Variants in MTUS2 observed in about 807,000 individuals in gnomAD.
MTUS2 encodes the protein microtubule-associated tumor suppressor candidate 2.
In MTUS2, 40 loss-of-function variants were observed where a neutral mutation model predicts 114.1. That is an observed-to-expected ratio of 0.35 (90% confidence interval 0.27 to 0.46). The LOEUF (loss-of-function observed/expected upper bound fraction) is 0.46, where lower values mean the gene tolerates loss of function less well. Among genes scored for constraint, MTUS2 ranks in the 20% least tolerant of loss-of-function variants. MTUS2 has a pLI of 1.00. For missense variants in MTUS2, 1,679 were observed against 1,705.4 expected, an observed-to-expected ratio of 0.98 and a Z score of 0.27; for synonymous variants, 688 against 672.0, an observed-to-expected ratio of 1.02 and a Z score of -0.37.
chr13:29,375,963 G>A (rs3125700), intron 8 of MTUS2, among the ~76,000 whole-genome samples: 116,358 of 151,452 alleles, frequency 0.77, 44,801 homozygotes, highest in Admixed American at 0.83. Flanking sequence ...CATGTAACCA[G>A]AAACCACTAA....
At chr13:29,128,110 A>G (rs1332667933) in intron 5 of MTUS2, among the ~76,000 whole-genome samples, 1 of 152,208 alleles carries the variant, frequency 6.6e-6, no homozygotes, top group African/African-American at 2.4e-5. Flanking sequence ...ACAAATTTGA[A>G]GGATCAGTTG....
chr13:29,495,283 G>A (rs960752507), intron 12 of MTUS2, among the ~76,000 whole-genome samples: 6 of 146,156 alleles, frequency 4.1e-5, no homozygotes, highest in East Asian at 4.0e-4. Flanking sequence ...ACTTGAACCC[G>A]GCAGGCTTAG....
At chr13:29,495,116 A>G (rs891568115) in intron 12 of MTUS2, among the ~76,000 whole-genome samples, 1 of 145,522 alleles carries the variant, frequency 6.9e-6, no homozygotes, top group African/African-American at 2.6e-5. Context: ...CCCCGGAGGC[A>G]GAGGTAGCAG....
rs114732409 is a variant in MTUS2 at position 29,126,279 on chromosome 13, C to G, written c.2644+25309C>G. Among the ~76,000 whole-genome samples the G allele has an allele frequency of 1.9e-3, 295 of 152,254 alleles. 1 individual carries two copies. The highest frequency in any genetic ancestry group is 6.6e-3 in the African/African-American group (273 of 41,546). ...TTCAATCCCATGTGAAGAGTTCATACGTGTAGTCACATCCTGTGCCTTGTC... is the reference window on the plus strand; with the variant it reads ...TTCAATCCCATGTGAAGAGTTCATAGGTGTAGTCACATCCTGTGCCTTGTC... On this transcript the variant is annotated intron_variant, in intron 5 of 15. Coordinates refer to ENST00000612955, the MANE Select transcript of MTUS2 (RefSeq NM_001033602.4).
At chr13:29,334,649 C>T (rs1463015362) in intron 7 of MTUS2, among the ~76,000 whole-genome samples, 1 of 152,128 alleles carries the variant, frequency 6.6e-6, no homozygotes, top group Non-Finnish European at 1.5e-5. Context: ...TCCTTCATTT[C>T]AACCTTGATG....
intron 4 of MTUS2, among the ~76,000 whole-genome samples, chr13:29,095,539 A>G (rs1361581778): frequency 6.9e-6 from 1 of 145,540 alleles, no homozygotes; most frequent in Non-Finnish European, 1.5e-5. Context: ...TTAATAATTT[A>G]AATAAATTTT....
chr13:29,131,137 A>G (rs900078002), intron 5 of MTUS2, among the ~76,000 whole-genome samples: 74 of 152,358 alleles, frequency 4.9e-4, no homozygotes, highest in African/African-American at 1.7e-3. Flanking sequence ...CCTTGTGTCT[A>G]TCATGGGGAT....
intron 2 of MTUS2, among the ~76,000 whole-genome samples, chr13:28,978,021 A>G (rs1884193498): frequency 6.6e-6 from 1 of 152,130 alleles, no homozygotes; most frequent in African/African-American, 2.4e-5. Flanking sequence ...ATGACTTATA[A>G]TTACAGTACT....
chr13:29,024,841 A>C lies in MTUS2; in HGVS notation c.143A>C (p.His48Pro). Residue 48 changes from histidine (H) to proline (P), a missense_variant, in exon 3 of 16, where the codon CAT (histidine) becomes CCT (proline). His to Pro is a moderately conservative substitution (Grantham distance 77). Coordinates refer to ENST00000612955, the MANE Select transcript of MTUS2 (RefSeq NM_001033602.4). Reference sequence around the variant, plus strand: ...ATCATGTTGGAGGTCAGCTCCTCTCATGACGAGTCCAAGACATGTGACCTG... The same window carrying C: ...ATCATGTTGGAGGTCAGCTCCTCTCCTGACGAGTCCAAGACATGTGACCTG... ...NQIMLEVSSS[H>P]DESKTCDLGD... 1 of 1,614,054 alleles carries C rather than the reference A, an allele frequency of 6.2e-7. No individual in the cohort carries two copies. The highest frequency in any genetic ancestry group is 8.5e-7 in the Non-Finnish European group (1 of 1,179,896).
intron 8 of MTUS2, among the ~76,000 whole-genome samples, chr13:29,385,784 C>T (rs1443776607): frequency 6.6e-6 from 1 of 152,176 alleles, no homozygotes; most frequent in Non-Finnish European, 1.5e-5. Flanking sequence ...CAAAGTGAGA[C>T]ATTTTCTTGT....
At chr13:29,110,776 C>T (rs1890852283) in intron 5 of MTUS2, among the ~76,000 whole-genome samples, 1 of 152,070 alleles carries the variant, frequency 6.6e-6, no homozygotes, top group Non-Finnish European at 1.5e-5. Flanking sequence ...CTGGATCTAA[C>T]TTAGAAATCA....
rs139956650 is a variant in MTUS2 at position 28,959,374 on chromosome 13, C to T, written c.-242-65083C>T. Among the ~76,000 whole-genome samples, 225 of 152,290 alleles carry T rather than the reference C, an allele frequency of 1.5e-3. 2 individuals carry two copies. Among genetic ancestry groups the T allele is most frequent in the Admixed American group, 7.8e-3 (120 of 15,296 alleles). On this transcript the variant is annotated intron_variant, in intron 2 of 15. Coordinates refer to ENST00000612955, the MANE Select transcript of MTUS2 (RefSeq NM_001033602.4). ...GCCCAGTGGAGAGGCAGGACTTCAT[C>T]ACCCCACTAGCAATGAGGTCGCATA...
intron 6 of MTUS2, among the ~76,000 whole-genome samples, chr13:29,293,768 A>G (rs1356919706): frequency 6.6e-6 from 1 of 152,190 alleles, no homozygotes; most frequent in Non-Finnish European, 1.5e-5. Context: ...AATGAGATAG[A>G]TCTACATGAA....
In MTUS2 at chr13:29,265,786, G is replaced by A. The variant is rs941159531; in HGVS notation, c.2645-15918G>A. 2.0e-5 allele frequency among the ~76,000 whole-genome samples: 3 copies of A among 152,116 alleles called. No homozygotes were observed. The South Asian group carries it at 6.2e-4, about 32-fold the overall frequency. The stretch of plus-strand genomic sequence containing the variant: ...GGTTTCATGAGAACTTATCTCCAAG[G>A]AGATGGGTTAAGCCATTCATGAGGA... On this transcript the variant is annotated intron_variant, in intron 5 of 15. Transcript: ENST00000612955.
intron 4 of MTUS2, among the ~76,000 whole-genome samples, chr13:29,046,501 A>G (rs1320853232): frequency 6.6e-6 from 1 of 152,100 alleles, no homozygotes; most frequent in African/African-American, 2.4e-5. Context: ...TCTTTCTGAA[A>G]CTTGTTCCTT....
rs1449507642 is a variant in MTUS2, at chr13:29,389,317, ACACATATG to A, written c.3117+29845_3117+29852del. Among the ~76,000 whole-genome samples, 239 of 118,614 alleles carry A rather than the reference ACACATATG, an allele frequency of 2.0e-3. 6 individuals carry two copies. The highest frequency in any genetic ancestry group is 0.014 in the Middle Eastern group (3 of 212). 77.8% of individuals were successfully genotyped at this position (118,614 alleles called of 152,430 possible). ...TGTGTGTATATGTGTATATATGTAT[ACACATATG>A]TGTGTATATATGTATGCACGTGTGT... On this transcript the variant is annotated intron_variant, in intron 8 of 15. Transcript: ENST00000612955.
intron 6 of MTUS2, among the ~76,000 whole-genome samples, chr13:29,288,715 T>G (rs962188754): frequency 2.0e-5 from 3 of 152,120 alleles, no homozygotes; most frequent in Non-Finnish European, 4.4e-5. Flanking sequence ...TCCACTTGAC[T>G]TGGGAGATGG....
chr13:28,950,503 A>G lies in MTUS2; in HGVS notation c.-242-73954A>G, dbSNP rs146155303. On this transcript the variant is annotated intron_variant, in intron 2 of 15. Transcript: ENST00000612955. ...TTGCTTGTAATTTTGGCATCTGTCC[A>G]ATAAATTCTTCCAAATCCAGTGTCA... Among the ~76,000 whole-genome samples the G allele has an allele frequency of 3.4e-4, 52 of 152,086 alleles. No homozygotes were observed. The East Asian group carries it at 9.1e-3, about 27-fold the overall frequency.
intron 6 of MTUS2, among the ~76,000 whole-genome samples, chr13:29,322,105 T>C (rs1020370811): frequency 3.9e-5 from 6 of 152,218 alleles, no homozygotes; most frequent in Admixed American, 2.0e-4. Flanking sequence ...GGGTCAAAAC[T>C]ATCAATATTT....
Sources: allele counts gnomAD v4.1 joint callset (sites outside exome capture counted in the v4.1 genomes callset), GRCh38; gene constraint gnomAD v4.1.1; transcripts MANE v1.5; gene names NCBI Gene and HGNC (gene_info 2026-07-23, HGNC 2026-07-21).